The following PDS5A variants were observed in gnomAD, a reference collection of about 807,000 sequenced individuals.
PDS5A encodes sister chromatid cohesion protein PDS5 homolog A.
PDS5A carries 42 observed loss-of-function variants against 167.1 expected under a neutral mutation model. That is an observed-to-expected ratio of 0.25 (90% CI 0.20 to 0.33). The LOEUF (loss-of-function observed/expected upper bound fraction) is 0.33, where lower values mean the gene tolerates loss of function less well. Ranked by LOEUF, PDS5A falls within the 10% of genes least tolerant of loss-of-function variation. The pLI is 1.00. For missense variants in PDS5A, 1,033 were observed against 1,605.9 expected, an observed-to-expected ratio of 0.64 and a Z score of 6.10; for synonymous variants, 553 against 554.6, an observed-to-expected ratio of 1.00 and a Z score of 0.04.
rs1715201707 is a variant in PDS5A, at chr4:39,825,391, T to C, written c.*94A>G. The C allele has an allele frequency of 9.8e-7, 1 of 1,025,338 alleles. No individual in the cohort carries two copies. Among genetic ancestry groups the C allele is most frequent in the South Asian group, 1.5e-5 (1 of 67,302 alleles). 63.5% of individuals were successfully genotyped at this position (1,025,338 alleles called of 1,614,324 possible). ...AGTGTGTGTTCTGAAGTGAGCTTCA[T>C]TTTCTGTTCAGGGACATTTGTGAAT... On this transcript the variant is annotated 3_prime_UTR_variant, in exon 33 of 33. Coordinates refer to ENST00000303538, the MANE Select transcript of PDS5A (RefSeq NM_001100399.2).
At chr4:39,935,793 G>GTAGATATA (rs1726540615) in intron 2 of PDS5A, among the ~76,000 whole-genome samples, 1 of 152,160 alleles carries the variant, frequency 6.6e-6, no homozygotes, top group African/African-American at 2.4e-5. Context: ...ATATAAAATG[G>GTAGATATA]TACAACCACT....
chr4:39,891,541 G>C (rs957441106), intron 16 of PDS5A, among the ~76,000 whole-genome samples: 2 of 151,800 alleles, frequency 1.3e-5, no homozygotes, highest in Non-Finnish European at 1.5e-5. Context: ...CCAGCTACTC[G>C]GGAGGCTGAG....
At chr4:39,929,355 G>C (rs1054331879) in intron 2 of PDS5A, among the ~76,000 whole-genome samples, 1 of 151,520 alleles carries the variant, frequency 6.6e-6, no homozygotes, top group Non-Finnish European at 1.5e-5. Context: ...GAAAAGGGAC[G>C]GCGGGACTAG....
At chr4:39,892,139 C>G (rs1722029550) in intron 16 of PDS5A, among the ~76,000 whole-genome samples, 1 of 151,418 alleles carries the variant, frequency 6.6e-6, no homozygotes, top group African/African-American at 2.4e-5. Context: ...TCCATTTAAG[C>G]TCAAAGATTA....
chr4:39,934,605 CTTTTTTTTTCT>C (rs911484955), intron 2 of PDS5A, among the ~76,000 whole-genome samples: 1 of 109,212 alleles, frequency 9.2e-6, no homozygotes, highest in Non-Finnish European at 1.9e-5. Flanking sequence ...CTTAGTATTT[CTTTTTTTTTCT>C]TTTTTTTTTT....
At chr4:39,846,827 A>C (rs1717647764) in intron 28 of PDS5A, 1 of 152,178 alleles carries the variant, frequency 6.6e-6, no homozygotes, top group Non-Finnish European at 1.5e-5. Context: ...GAAAGAACAA[A>C]GTGTGCCTGT....
At chr4:39,830,253 T>C (rs145669186) in intron 32 of PDS5A, among the ~76,000 whole-genome samples, 6 of 152,214 alleles carry the variant, frequency 3.9e-5, no homozygotes, top group African/African-American at 1.4e-4. Flanking sequence ...ACAGTGGCAC[T>C]ATCATGGCCC....
chr4:39,919,964 T>C (rs1165909635), intron 7 of PDS5A, among the ~76,000 whole-genome samples: 9 of 150,204 alleles, frequency 6.0e-5, no homozygotes, highest in Non-Finnish European at 1.2e-4. Context: ...GGAAGAAACA[T>C]TACAGGACTT....
chr4:39,835,126 G>A (rs1266907007), intron 32 of PDS5A, among the ~76,000 whole-genome samples: 4 of 152,106 alleles, frequency 2.6e-5, no homozygotes, highest in Non-Finnish European at 5.9e-5. Flanking sequence ...TTTCAGTGGA[G>A]ACAGGCTTTC....
intron 17 of PDS5A, among the ~76,000 whole-genome samples, chr4:39,886,078 C>T (rs2109607383): frequency 6.6e-6 from 1 of 152,342 alleles, no homozygotes; most frequent in South Asian, 2.1e-4. Flanking sequence ...TAGAGACTAT[C>T]CCTTCCCTCC....
At position 39,892,510 on chromosome 4, in the gene PDS5A, A is replaced by G. The variant is rs537779724; in HGVS notation, c.1771-2146T>C. Among the ~76,000 whole-genome samples the G allele has an allele frequency of 2.6e-5, 4 of 152,302 alleles. No individual in the cohort carries two copies. The South Asian group carries it at 8.3e-4, about 32-fold the overall frequency. ...ACTCAACTTAGGAGTCACTTATTCT[A>G]GAAGAAGCCATTCCTGGACCTATTT... On this transcript the variant is annotated intron_variant, in intron 16 of 32. Transcript: ENST00000303538.
At position 39,867,062 on chromosome 4, in the gene PDS5A, T is replaced by A. The variant is rs1038401151; in HGVS notation, c.2506-65A>T. ...AAATTCCAATTAAAGGGAAAATTAA[T>A]TTAATTAGATTAATGAGATTACTCA... On this transcript the variant is annotated intron_variant, in intron 22 of 32. Transcript: ENST00000303538. 4.6e-5 allele frequency: 59 copies of A among 1,283,138 alleles called. 1 individual carries two copies. The highest frequency in any genetic ancestry group is 6.4e-5 in the Non-Finnish European group (59 of 924,068). The allele number at this position is 1,283,138 out of a possible 1,614,324, so 79.5% of individuals were successfully genotyped here. A position where few individuals can be genotyped will look rare whatever the true frequency, so the allele number is the denominator to read the frequency against.
At chr4:39,879,114 G>A (rs1720726499) in intron 18 of PDS5A, among the ~76,000 whole-genome samples, 1 of 152,074 alleles carries the variant, frequency 6.6e-6, no homozygotes, top group Non-Finnish European at 1.5e-5. Context: ...CATTGCACTG[G>A]TTTGTCTCTT....
chr4:39,922,832 A>C (rs1725114204), intron 5 of PDS5A, 84 bp from the exon 6 acceptor site: 1 of 1,318,536 alleles, frequency 7.6e-7, no homozygotes. Flanking sequence ...TAAACGTCCT[A>C]GTTTAAAACA....
intron 2 of PDS5A, among the ~76,000 whole-genome samples, chr4:39,975,061 C>T (rs1333745733): frequency 6.9e-6 from 1 of 144,942 alleles, no homozygotes; most frequent in Non-Finnish European, 1.5e-5. Flanking sequence ...TGGGCCGAGA[C>T]GCGCCACTGC....
chr4:39,892,205 C>T (rs756966372), intron 16 of PDS5A, among the ~76,000 whole-genome samples: 5 of 152,258 alleles, frequency 3.3e-5, no homozygotes, highest in South Asian at 2.1e-4. Flanking sequence ...TTTGGGAGGC[C>T]GAGGTGACGG....
chr4:39,954,525 T>C (rs1728728376), intron 2 of PDS5A, among the ~76,000 whole-genome samples: 2 of 151,982 alleles, frequency 1.3e-5, no homozygotes, highest in South Asian at 4.2e-4. Flanking sequence ...TTCACCATGA[T>C]GGCCAGGCTG....
chr4:39,949,801 C>A (rs1578807370), intron 2 of PDS5A, among the ~76,000 whole-genome samples: 1 of 71,548 alleles, frequency 1.4e-5, no homozygotes, highest in Admixed American at 2.3e-4. Flanking sequence ...GCCAGGGCGA[C>A]AGAATAAGAC....
intron 32 of PDS5A, among the ~76,000 whole-genome samples, chr4:39,836,661 A>G (rs772815526): frequency 5.5e-5 from 7 of 127,948 alleles, no homozygotes; most frequent in Non-Finnish European, 9.5e-5. Flanking sequence ...ATGGGGTTTC[A>G]CCATGTTGGC....
Sources: gnomAD v4.1 joint callset for allele counts (sites outside exome capture counted in the v4.1 genomes callset) on GRCh38, gnomAD v4.1.1 for gene constraint, MANE v1.5 for transcripts, NCBI Gene and HGNC (gene_info 2026-07-23, HGNC 2026-07-21) for gene names.